Variants in GMDS observed in about 807,000 individuals in gnomAD.
The protein encoded by GMDS is GDP-mannose 4,6-dehydratase, also known as GDP-mannose 4,6 dehydratase.
A neutral mutation model predicts 49.9 loss-of-function variants in GMDS; 20 were observed. The observed-to-expected ratio is 0.40, with a 90% CI of 0.28 to 0.58. The LOEUF (loss-of-function observed/expected upper bound fraction) is 0.58, where lower values mean the gene tolerates loss of function less well. GMDS is among the 20% of genes least tolerant of loss of function. The pLI, the probability that GMDS is intolerant of heterozygous loss-of-function variation, is 0.42. For missense variants in GMDS, 362 were observed against 481.4 expected (o/e 0.75, Z 2.32); for synonymous variants, 177 against 178.6 (o/e 0.99, Z 0.07).
intron 9 of GMDS, among the ~76,000 whole-genome samples, chr6:1,641,616 G>A (rs1189413290): frequency 6.6e-6 from 1 of 152,188 alleles, no homozygotes; most frequent in African/African-American, 2.4e-5. Flanking sequence ...GAGAGGCCCT[G>A]AGCAGCCCAG....
At chr6:1,992,988 T>C (rs554786040) in intron 4 of GMDS, among the ~76,000 whole-genome samples, 20 of 152,326 alleles carry the variant, frequency 1.3e-4, no homozygotes, top group African/African-American at 4.8e-4. Flanking sequence ...AAATAGTTTA[T>C]GAATGAAAAG....
chr6:1,985,386 T>C (rs1022527422), intron 4 of GMDS, among the ~76,000 whole-genome samples: 1 of 62,194 alleles, frequency 1.6e-5, no homozygotes, highest in Admixed American at 1.5e-4. Context: ...TGCAAACCGA[T>C]TTTTTTTTAA....
chr6:2,182,465 T>C (rs1264094560), intron 1 of GMDS, among the ~76,000 whole-genome samples: 1 of 152,232 alleles, frequency 6.6e-6, no homozygotes, highest in Non-Finnish European at 1.5e-5. Flanking sequence ...GCTGCAGAGA[T>C]GTCAATGCCT....
intron 7 of GMDS, among the ~76,000 whole-genome samples, chr6:1,762,432 C>G (rs899384884): frequency 9.9e-5 from 15 of 152,276 alleles, no homozygotes; most frequent in African/African-American, 3.1e-4. Flanking sequence ...CCAGGGCAGG[C>G]TGGTAAAGGC....
At position 2,191,316 on chromosome 6, in the gene GMDS, G is replaced by A. The variant is rs1468197197; in HGVS notation, c.102+54005C>T. On this transcript the variant is annotated intron_variant, in intron 1 of 10. Transcript: ENST00000380815. This position sits in a 1 kb window ranked among gnomAD's most constrained non-coding sequence, Gnocchi z 4.6. ...TGCCCCTGAGTGCGGGGGCCACGGG[G>A]GAGCTCACAGTGATGTCCCTGGACA... Among the ~76,000 whole-genome samples, 1 of 152,270 alleles carries A rather than the reference G, an allele frequency of 6.6e-6. No individual in the cohort carries two copies. The highest frequency in any genetic ancestry group is 1.9e-4 in the East Asian group (1 of 5,162).
chr6:1,913,856 G>A lies in GMDS; in HGVS notation c.771+16247C>T, dbSNP rs560039986. On this transcript the variant is annotated intron_variant, in intron 7 of 10. Coordinates refer to ENST00000380815, the MANE Select transcript of GMDS (RefSeq NM_001500.4). Reference sequence around the variant, plus strand: ...GTACTAATAGGTCAAACATAAAAATGCAGATATGGTAAAGCGGAAAGCTAA... The same window carrying A: ...GTACTAATAGGTCAAACATAAAAATACAGATATGGTAAAGCGGAAAGCTAA... 7.2e-5 allele frequency among the ~76,000 whole-genome samples: 11 copies of A among 152,244 alleles called. No homozygotes were observed. In the South Asian group the frequency reaches 2.3e-3, roughly 32 times the overall value.
rs1264145733 is a variant in GMDS at position 2,135,200 on chromosome 6, C to A, written c.103-10469G>T. On this transcript the variant is annotated intron_variant, in intron 1 of 10. Coordinates refer to ENST00000380815, the MANE Select transcript of GMDS (RefSeq NM_001500.4). Reference sequence around the variant, plus strand: ...AAATTAATAAATTTATATAAAAACCCATATACAGTTTAGCACAAAATAATA... The same window carrying A: ...AAATTAATAAATTTATATAAAAACCAATATACAGTTTAGCACAAAATAATA... Among the ~76,000 whole-genome samples the A allele has an allele frequency of 2.0e-5, 3 of 152,044 alleles. No individual in the cohort carries two copies. The East Asian group carries it at 5.8e-4, about 29-fold the overall frequency.
intron 4 of GMDS, among the ~76,000 whole-genome samples, chr6:2,056,155 G>A (rs371036907): frequency 6.6e-6 from 1 of 152,138 alleles, no homozygotes; most frequent in East Asian, 1.9e-4. Context: ...TGATTCCAGA[G>A]GTAATAACAA....
intron 7 of GMDS, among the ~76,000 whole-genome samples, chr6:1,776,868 G>A (rs73409311): frequency 0.11 from 16,383 of 152,128 alleles, 1,425 homozygotes; most frequent in African/African-American, 0.24. Context: ...GCAGATATAC[G>A]GGTGAAGACT....
At chr6:2,138,686 C>T (rs980928749) in intron 1 of GMDS, among the ~76,000 whole-genome samples, 3 of 152,144 alleles carry the variant, frequency 2.0e-5, no homozygotes, top group Non-Finnish European at 4.4e-5. Context: ...ATAAGTTACA[C>T]GGTCTCAGGT....
chr6:1,701,227 T>C (rs1252806208), intron 9 of GMDS, among the ~76,000 whole-genome samples: 1 of 152,244 alleles, frequency 6.6e-6, no homozygotes, highest in African/African-American at 2.4e-5. Context: ...TAAGCTTTCA[T>C]TTATAATTAA....
intron 4 of GMDS, among the ~76,000 whole-genome samples, chr6:1,974,847 A>G (rs1462797362): frequency 6.6e-6 from 1 of 150,864 alleles, no homozygotes; most frequent in African/African-American, 2.5e-5. Flanking sequence ...CCTGGCCAAC[A>G]TGGTGAAATC....
chr6:2,225,842 T>C (rs1232938468), intron 1 of GMDS, among the ~76,000 whole-genome samples: 1 of 152,114 alleles, frequency 6.6e-6, no homozygotes, highest in Non-Finnish European at 1.5e-5. Flanking sequence ...TTAAATAAGA[T>C]TCCACTGTTT....
intron 7 of GMDS, among the ~76,000 whole-genome samples, chr6:1,848,712 A>C (rs145496781): frequency 1.6e-4 from 25 of 152,278 alleles, no homozygotes; most frequent in Non-Finnish European, 3.1e-4. Flanking sequence ...ATAGGGCTGG[A>C]CTTCATGGAG....
intron 7 of GMDS, among the ~76,000 whole-genome samples, chr6:1,861,995 AC>A (rs1007408501): frequency 1.3e-5 from 2 of 152,228 alleles, no homozygotes; most frequent in African/African-American, 4.8e-5. Context: ...AATTACCCAA[AC>A]TTTTAAATAA....
chr6:1,955,441 A>G (rs1229103201), intron 6 of GMDS, among the ~76,000 whole-genome samples: 1 of 152,226 alleles, frequency 6.6e-6, no homozygotes, highest in Non-Finnish European at 1.5e-5. Flanking sequence ...ATACTACTAT[A>G]TACATTTTCA....
intron 7 of GMDS, among the ~76,000 whole-genome samples, chr6:1,926,316 G>A (rs552406651): frequency 6.6e-6 from 1 of 152,154 alleles, no homozygotes; most frequent in African/African-American, 2.4e-5. Flanking sequence ...GCGCACAGAG[G>A]CTTCAGCTGT....
intron 4 of GMDS, among the ~76,000 whole-genome samples, chr6:1,999,432 A>G (rs1766516104): frequency 6.6e-6 from 1 of 152,026 alleles, no homozygotes; most frequent in African/African-American, 2.4e-5. Flanking sequence ...AGTTATTTCT[A>G]CAAAACCTAG....
At chr6:1,966,117 C>T (rs1764243588) in intron 4 of GMDS, among the ~76,000 whole-genome samples, 1 of 152,132 alleles carries the variant, frequency 6.6e-6, no homozygotes, top group Non-Finnish European at 1.5e-5. Context: ...AAAATATTTA[C>T]GATCTGGACC....
Sources: allele counts gnomAD v4.1 joint callset (sites outside exome capture counted in the v4.1 genomes callset), GRCh38; gene constraint gnomAD v4.1.1; non-coding constraint Gnocchi (gnomAD v3.1); transcripts MANE v1.5; gene names NCBI Gene and HGNC (gene_info 2026-07-23, HGNC 2026-07-21).